Variants in ADGRD1 observed in about 807,000 individuals in gnomAD.
The protein encoded by ADGRD1 is adhesion G protein-coupled receptor D1.
In ADGRD1, 77 loss-of-function variants were observed where a neutral mutation model predicts 113.4. That is an observed-to-expected ratio of 0.68 (90% CI 0.57 to 0.82). The LOEUF is 0.82. Among genes scored for constraint, ADGRD1 ranks in the 40% least tolerant of loss-of-function variants. ADGRD1 has a pLI of 0.00. For missense variants in ADGRD1, 1,036 were observed against 1,139.1 expected, an observed-to-expected ratio of 0.91 and a Z score of 1.30; for synonymous variants, 474 against 475.0, an observed-to-expected ratio of 1.00 and a Z score of 0.03.
rs565819367 is a variant in ADGRD1 at position 130,994,230 on chromosome 12, G to T, written c.966+1838G>T. 57 of 453,200 alleles carry T rather than the reference G, an allele frequency of 1.3e-4. 1 individual carries two copies. The highest frequency in any genetic ancestry group is 6.7e-4 in the Middle Eastern group (2 of 2,992). The allele number at this position is 453,200 out of a possible 1,614,324, so 28.1% of individuals were successfully genotyped here. A position where few individuals can be genotyped will look rare whatever the true frequency, so the allele number is the denominator to read the frequency against. ...AAGGTCCTTATGCATGTATGCACAG[G>T]ACCGGGCGTGAGGCCCCGAGACAGG... is the stretch of plus-strand genomic sequence containing the variant. On this transcript the variant is annotated intron_variant, in intron 8 of 24. Transcript: ENST00000261654.
chr12:130,977,492 T>C (rs1465836623), intron 4 of ADGRD1: 3 of 152,270 alleles, frequency 2.0e-5, no homozygotes, highest in African/African-American at 7.2e-5. Context: ...GAGTCTTGCG[T>C]GAAAGCGTAT....
intron 14 of ADGRD1, among the ~76,000 whole-genome samples, chr12:131,078,248 T>C (rs1215453054): frequency 6.6e-6 from 1 of 152,326 alleles, no homozygotes; most frequent in Admixed American, 6.5e-5. Context: ...TTTATCTCTG[T>C]TCTGTGAACA....
intron 13 of ADGRD1, among the ~76,000 whole-genome samples, chr12:131,046,440 C>T (rs1158401976): frequency 5.4e-5 from 5 of 92,022 alleles, no homozygotes; most frequent in African/African-American, 2.0e-4. Context: ...GGTCAGTGTC[C>T]TCTCTCCCTG....
intron 20 of ADGRD1, among the ~76,000 whole-genome samples, chr12:131,130,315 G>A (rs555234153): frequency 1.3e-5 from 2 of 152,326 alleles, no homozygotes; most frequent in East Asian, 3.9e-4. Context: ...CTGGGCGTGA[G>A]CTGAGCTTCC....
rs11610739 is a variant in ADGRD1, at chr12:131,096,045, T to C, written c.1672-8786T>C. Among the ~76,000 whole-genome samples, 8 of 89,194 alleles carry C rather than the reference T, an allele frequency of 9.0e-5. No homozygotes were observed. In the East Asian group the frequency reaches 0.02, roughly 224 times the overall value. The allele number at this position is 89,194 out of a possible 152,430, so 58.5% of individuals were successfully genotyped here. ...GGCTTAGGGTCACGGCCACCATTCC[T>C]GCCTCCCGGCCCTGCCCAGAGCAGC... On this transcript the variant is annotated intron_variant, in intron 15 of 24. Coordinates refer to ENST00000261654, the MANE Select transcript of ADGRD1 (RefSeq NM_198827.5). This position sits in a 1 kb window ranked among gnomAD's most constrained non-coding sequence, Gnocchi z 5.2.
intron 15 of ADGRD1, among the ~76,000 whole-genome samples, chr12:131,101,349 CTTTTATTTT>C (rs1950070206): frequency 9.5e-6 from 1 of 105,762 alleles, no homozygotes; most frequent in East Asian, 2.4e-4. Context: ...TCTTTTCTTT[CTTTTATTTT>C]TTTTCTTTTT....
At chr12:131,049,021 G>C (rs529532836) in intron 13 of ADGRD1, among the ~76,000 whole-genome samples, 1 of 152,358 alleles carries the variant, frequency 6.6e-6, no homozygotes, top group Admixed American at 6.5e-5. Flanking sequence ...TAAGGGATGG[G>C]AGAGAGGGCG....
chr12:131,033,191 G>T (rs543553094), intron 13 of ADGRD1, among the ~76,000 whole-genome samples: 1 of 152,124 alleles, frequency 6.6e-6, no homozygotes, highest in African/African-American at 2.4e-5. Context: ...TTTTTTGTGC[G>T]GGCAGGGCCG....
chr12:131,046,167 T>TC (rs1882704335), intron 13 of ADGRD1, among the ~76,000 whole-genome samples: 1 of 135,976 alleles, frequency 7.4e-6, no homozygotes, highest in Non-Finnish European at 1.6e-5. Flanking sequence ...CTGGTCAGTG[T>TC]CCTTCCTGGT....
chr12:131,031,277 G>A (rs1880708229), intron 13 of ADGRD1, among the ~76,000 whole-genome samples: 1 of 152,228 alleles, frequency 6.6e-6, no homozygotes, highest in African/African-American at 2.4e-5. Context: ...CTTGGGTACT[G>A]CGTGCTGCCC....
At chr12:131,076,727 C>A (rs1002599864) in intron 13 of ADGRD1, 74 bp from the exon 14 acceptor site, 1 of 1,293,230 alleles carries the variant, frequency 7.7e-7, no homozygotes, top group South Asian at 1.2e-5. Flanking sequence ...AAGGGTCTCG[C>A]TCTCACATCA....
At chr12:131,014,649 AG>A (rs1429099372) in intron 13 of ADGRD1, among the ~76,000 whole-genome samples, 1 of 152,096 alleles carries the variant, frequency 6.6e-6, no homozygotes, top group Non-Finnish European at 1.5e-5. Flanking sequence ...TTACTGGAGG[AG>A]GGGGGTACCT....
At chr12:131,097,037 G>A (rs1258675777) in intron 15 of ADGRD1, among the ~76,000 whole-genome samples, 1 of 152,188 alleles carries the variant, frequency 6.6e-6, no homozygotes, top group East Asian at 1.9e-4. Context: ...CTATGGATCT[G>A]GCTTCCACGG....
intron 15 of ADGRD1, among the ~76,000 whole-genome samples, chr12:131,092,461 G>C (rs777376283): frequency 6.6e-6 from 1 of 152,342 alleles, no homozygotes; most frequent in African/African-American, 2.4e-5. Flanking sequence ...TGCCAAGGCT[G>C]CACCCAGTGG....
At chr12:130,995,787 C>A (rs966075186) in intron 8 of ADGRD1, among the ~76,000 whole-genome samples, 78 of 144,560 alleles carry the variant, frequency 5.4e-4, no homozygotes, top group African/African-American at 2.0e-3. Flanking sequence ...TTTTATTGAT[C>A]ATTCTTGGGT....
At chr12:131,123,835 A>C (rs1242690057) in intron 20 of ADGRD1, among the ~76,000 whole-genome samples, 1 of 152,034 alleles carries the variant, frequency 6.6e-6, no homozygotes, top group Non-Finnish European at 1.5e-5. Flanking sequence ...CAAAAAAAAA[A>C]AAAAAAGGTT....
intron 15 of ADGRD1, among the ~76,000 whole-genome samples, chr12:131,095,593 A>T (rs562758989): frequency 5.3e-4 from 80 of 152,268 alleles, no homozygotes; most frequent in African/African-American, 1.9e-3. Context: ...GACTGGGAAC[A>T]TGGTCAGGGG....
intron 2 of ADGRD1, among the ~76,000 whole-genome samples, chr12:130,959,993 A>T (rs1870151233): frequency 6.6e-6 from 1 of 152,166 alleles, no homozygotes; most frequent in South Asian, 2.1e-4. Flanking sequence ...GCCCCTCCCC[A>T]CATCTGGAAG....
intron 2 of ADGRD1, among the ~76,000 whole-genome samples, chr12:130,955,038 C>T (rs1380834963): frequency 6.6e-6 from 1 of 151,636 alleles, no homozygotes; most frequent in Admixed American, 6.6e-5. Flanking sequence ...GCAGTGGCCG[C>T]AACCTCTGCC....
Sources: allele counts gnomAD v4.1 joint callset (sites outside exome capture counted in the v4.1 genomes callset), GRCh38; gene constraint gnomAD v4.1.1; non-coding constraint Gnocchi (gnomAD v3.1); transcripts MANE v1.5; gene names NCBI Gene and HGNC (gene_info 2026-07-23, HGNC 2026-07-21).